The following FSIP2 variants were observed in gnomAD, a reference collection of about 807,000 sequenced individuals.
FSIP2 encodes the protein fibrous sheath-interacting protein 2.
FSIP2 carries 367 observed loss-of-function variants against 510.5 expected under a neutral mutation model. The observed-to-expected ratio is 0.72, with a 90% CI of 0.66 to 0.78. The LOEUF is 0.78. Ranked by LOEUF, FSIP2 falls within the 30% of genes least tolerant of loss-of-function variation. FSIP2 has a pLI of 0.00. For missense variants in FSIP2, 7,594 were observed against 7,901.7 expected (o/e 0.96, Z 1.48); for synonymous variants, 2,601 against 2,732.2 (o/e 0.95, Z 1.50).
chr2:185,747,431 G>A lies in FSIP2; in HGVS notation c.870+8G>A, dbSNP rs1182488823. ...GAAGAGAGTGACAGGAAGGTAGGGT[G>A]AGCTTTAACCTCTAACTTGAGCTGT... On this transcript the variant is annotated splice_region_variant and intron_variant, in intron 7 of 22. Transcript: ENST00000424728. 3 of 1,428,728 alleles carry A rather than the reference G, an allele frequency of 2.1e-6. No individual in the cohort carries two copies. The highest frequency in any genetic ancestry group is 2.9e-6 in the Non-Finnish European group (3 of 1,049,146). 88.5% of individuals were successfully genotyped at this position (1,428,728 alleles called of 1,614,324 possible).
intron 7 of FSIP2, among the ~76,000 whole-genome samples, chr2:185,750,447 A>C (rs1400668515): frequency 6.6e-6 from 1 of 150,940 alleles, no homozygotes; most frequent in African/African-American, 2.4e-5. Context: ...GTATTTCTAG[A>C]CTCTGGTGAT....
At chr2:185,762,605 C>A (rs1382203141) in intron 11 of FSIP2, among the ~76,000 whole-genome samples, 2 of 151,404 alleles carry the variant, frequency 1.3e-5, no homozygotes, top group South Asian at 4.1e-4. Context: ...CCTAAGTTGC[C>A]TTGGACTCTT....
Position 185,802,819 on chromosome 2 carries a change from A to G in FSIP2, c.13513A>G (p.Ile4505Val), listed in dbSNP as rs1392944335. ...KDISRVNFNDIASNLVSDIRM... is the reference protein window; with the variant it reads ...KDISRVNFNDVASNLVSDIRM... ...TATATCAAGAGTGAATTTCAATGAC[A>G]TTGCTTCAAACCTAGTTAGTGATAT... The change falls in exon 17 of 23, where the codon ATT (isoleucine) becomes GTT (valine). Residue 4505 changes from isoleucine (I) to valine (V), a missense_variant. Ile to Val is a conservative substitution (Grantham distance 29, BLOSUM62 3). Transcript: ENST00000424728. 1 of 1,521,348 alleles carries G rather than the reference A, an allele frequency of 6.6e-7. No individual in the cohort carries two copies. The highest frequency in any genetic ancestry group is 8.8e-7 in the Non-Finnish European group (1 of 1,141,250). 94.2% of individuals were successfully genotyped at this position (1,521,348 alleles called of 1,614,324 possible).
chr2:185,804,406 G>A lies in FSIP2; in HGVS notation c.15100G>A (p.Asp5034Asn). 6.6e-7 allele frequency: 1 copy of A among 1,507,840 alleles called. No individual in the cohort carries two copies. The highest frequency in any genetic ancestry group is 8.8e-7 in the Non-Finnish European group (1 of 1,131,296). The allele number at this position is 1,507,840 out of a possible 1,614,324, so 93.4% of individuals were successfully genotyped here. A position where few individuals can be genotyped will look rare whatever the true frequency, so the allele number is the denominator to read the frequency against. The part of the protein sequence containing the change: ...IVNSVYGKVL[D>N]QYKSLIQIHR... Reference sequence around the variant, plus strand: ...CAACTCAGTATATGGAAAAGTATTAGATCAATATAAATCTCTGATTCAAAT... The same window carrying A: ...CAACTCAGTATATGGAAAAGTATTAAATCAATATAAATCTCTGATTCAAAT... The change falls in exon 17 of 23, where the codon GAT becomes AAT. Residue 5034 changes from aspartate to asparagine, a missense_variant. Transcript: ENST00000424728.
chr2:185,787,715 A>G (rs916398266), intron 15 of FSIP2, among the ~76,000 whole-genome samples: 2 of 151,782 alleles, frequency 1.3e-5, no homozygotes, highest in East Asian at 1.9e-4. Context: ...GTTCAAATCT[A>G]TGACAGCAAC....
intron 13 of FSIP2, among the ~76,000 whole-genome samples, chr2:185,767,127 A>C (rs1692503502): frequency 1.4e-5 from 2 of 140,486 alleles, no homozygotes; most frequent in East Asian, 2.2e-4. Context: ...ATGAGATCAC[A>C]TGGACACAGG....
rs543844873 is a variant in FSIP2 at position 185,814,640 on chromosome 2, G to A, written c.20325+598G>A. Among the ~76,000 whole-genome samples the A allele has an allele frequency of 1.9e-4, 29 of 152,124 alleles. 1 individual carries two copies. In the South Asian group the frequency reaches 3.9e-3, roughly 21 times the overall value. On this transcript the variant is annotated intron_variant, in intron 18 of 22. Transcript: ENST00000424728. ...GATGGCTCCAAATTCTCAAATGATG[G>A]TCTGGGTCTCAATGACCTTTTGAGT... is the stretch of plus-strand genomic sequence containing the variant.
intron 20 of FSIP2, 26 bp downstream of exon 20, chr2:185,824,506 AG>A (rs1693980519): frequency 7.1e-7 from 1 of 1,414,812 alleles, no homozygotes; most frequent in Non-Finnish European, 9.8e-7. Context: ...CTTAAATTAG[AG>A]AGTATTTTTT....
At chr2:185,746,896 G>A in intron 6 of FSIP2, 86 bp downstream of exon 6, 2 of 916,130 alleles carry the variant, frequency 2.2e-6, no homozygotes, top group Non-Finnish European at 1.6e-6. Flanking sequence ...ACATTGTGCT[G>A]CTTGAAGTCA....
chr2:185,759,973 CTATT>C (rs1438879039), intron 9 of FSIP2, among the ~76,000 whole-genome samples: 1 of 148,766 alleles, frequency 6.7e-6, no homozygotes, highest in African/African-American at 2.4e-5. Context: ...TTCATATTAT[CTATT>C]TATTTGTGAT....
In FSIP2 at chr2:185,790,913, T is replaced by C. The variant is rs778698827; in HGVS notation, c.3777T>C (p.Ile1259=). 2 of 1,527,258 alleles carry C rather than the reference T, an allele frequency of 1.3e-6. No homozygotes were observed. The highest frequency in any genetic ancestry group is 1.7e-6 in the Non-Finnish European group (2 of 1,143,386). The allele number at this position is 1,527,258 out of a possible 1,614,324, so 94.6% of individuals were successfully genotyped here. Residue 1259 remains isoleucine (I), a synonymous_variant, in exon 16 of 23, where the codon ATT becomes ATC. Coordinates refer to ENST00000424728, the MANE Select transcript of FSIP2 (RefSeq NM_173651.4). ...GTGAACCTAAACCTGTAGATGACAT[T>C]AATGATAAGATCATTCGTACAATTT... ...GKSEPKPVDD[I]NDKIIRTIFK... is the part of the protein sequence containing the mutation.
Position 185,739,362 on chromosome 2 carries a change from A to G in FSIP2, c.116A>G (p.His39Arg). The G allele has an allele frequency of 2.6e-6, 4 of 1,531,192 alleles. No homozygotes were observed. The highest frequency in any genetic ancestry group is 3.5e-6 in the Non-Finnish European group (4 of 1,145,366). 94.9% of individuals were successfully genotyped at this position (1,531,192 alleles called of 1,614,324 possible). ...QQCRDGVHKTHFAGVGPAQLL... is the reference protein window; with the variant it reads ...QQCRDGVHKTRFAGVGPAQLL... Reference sequence around the variant, plus strand: ...GTCTGACAGGGCGTGCACAAAACCCACTTTGCAGGGGTTGGACCGGCTCAG... The same window carrying G: ...GTCTGACAGGGCGTGCACAAAACCCGCTTTGCAGGGGTTGGACCGGCTCAG... Residue 39 changes from histidine (H) to arginine (R), a missense_variant, in exon 2 of 23, where the codon CAC becomes CGC. Physicochemically the swap from His to Arg is conservative, Grantham distance 29 (BLOSUM62 0). Coordinates refer to ENST00000424728, the MANE Select transcript of FSIP2 (RefSeq NM_173651.4).
Position 185,799,705 on chromosome 2 carries a change from G to A in FSIP2, c.10399G>A (p.Glu3467Lys). 1 of 1,294,358 alleles carries A rather than the reference G, an allele frequency of 7.7e-7. No individual in the cohort carries two copies. The highest frequency in any genetic ancestry group is 1.0e-6 in the Non-Finnish European group (1 of 982,072). 80.2% of individuals were successfully genotyped at this position (1,294,358 alleles called of 1,614,324 possible). A position where few individuals can be genotyped will look rare whatever the true frequency, so the allele number is the denominator to read the frequency against. ...LKNFETTVFS[E>K]EKMSVSTWSR... is the part of the protein sequence containing the mutation. Reference sequence around the variant, plus strand: ...ATGTTTCCTTTTTTAAGTTTTTAGTGAGGAAAAGATGTCTGTTTCTACATG... The same window carrying A: ...ATGTTTCCTTTTTTAAGTTTTTAGTAAGGAAAAGATGTCTGTTTCTACATG... Residue 3467 changes from glutamate to lysine, a missense_variant, in exon 17 of 23, where the codon GAG becomes AAG. Coordinates refer to ENST00000424728, the MANE Select transcript of FSIP2 (RefSeq NM_173651.4).
chr2:185,748,186 C>T (rs1157034944), intron 7 of FSIP2, among the ~76,000 whole-genome samples: 1 of 152,016 alleles, frequency 6.6e-6, no homozygotes, highest in African/African-American at 2.4e-5. Context: ...CTGTTTGTTA[C>T]CTGTACCTTT....
chr2:185,827,791 T>C (rs1005670349), intron 20 of FSIP2, among the ~76,000 whole-genome samples: 3 of 151,892 alleles, frequency 2.0e-5, no homozygotes, highest in Admixed American at 1.3e-4. Flanking sequence ...GGAAGGGCTA[T>C]TAAGAATCAT....
Position 185,789,110 on chromosome 2 carries a change from A to G in FSIP2, c.1974A>G (p.Lys658=). ...TAGCATCATTTGAAACAGGCACAAA[A>G]AAATCTAAGGATGCTACCACTGAAA... ...HLLASFETGT[K]KSKDATTETD... The change falls in exon 16 of 23, where the codon AAA becomes AAG. Residue 658 remains lysine, a synonymous_variant. Transcript: ENST00000424728. 1 of 1,535,212 alleles carries G rather than the reference A, an allele frequency of 6.5e-7. No homozygotes were observed. The highest frequency in any genetic ancestry group is 8.7e-7 in the Non-Finnish European group (1 of 1,146,086).
chr2:185,750,603 G>GTTTTTT (rs71014622), intron 7 of FSIP2, among the ~76,000 whole-genome samples: 2 of 136,434 alleles, frequency 1.5e-5, no homozygotes, highest in Non-Finnish European at 3.2e-5. Context: ...GCATTTCTCT[G>GTTTTTT]TTTTTTTTTT....
chr2:185,786,197 G>C, intron 14 of FSIP2, 55 bp from the exon 15 acceptor site: 1 of 1,175,016 alleles, frequency 8.5e-7, no homozygotes, highest in Non-Finnish European at 1.2e-6. Flanking sequence ...TTTGGGAAAA[G>C]TTTTATAAAT....
In FSIP2 at chr2:185,790,815, G is replaced by A. The variant is rs933248579; in HGVS notation, c.3679G>A (p.Glu1227Lys). The A allele has an allele frequency of 1.3e-6, 2 of 1,532,870 alleles. No homozygotes were observed. Among genetic ancestry groups the A allele is most frequent in the South Asian group, 1.2e-5 (1 of 83,640 alleles). The allele number at this position is 1,532,870 out of a possible 1,614,324, so 95.0% of individuals were successfully genotyped here. The change falls in exon 16 of 23, where the codon GAA becomes AAA. Residue 1227 changes from glutamate to lysine, a missense_variant. Coordinates refer to ENST00000424728, the MANE Select transcript of FSIP2 (RefSeq NM_173651.4). ...CCCATTAAAAACATGGTTTGACAGT[G>A]AAAAGAAAATGAAATATTTATCTTT... is the stretch of plus-strand genomic sequence containing the variant. ...KYPLKTWFDS[E>K]KKMKYLSLFD...
Sources: gnomAD v4.1 joint callset for allele counts (sites outside exome capture counted in the v4.1 genomes callset) on GRCh38, gnomAD v4.1.1 for gene constraint, MANE v1.5 for transcripts, NCBI Gene and HGNC (gene_info 2026-07-23, HGNC 2026-07-21) for gene names.